Variants in ACOXL observed in about 807,000 individuals in gnomAD.
ACOXL encodes acyl-CoA oxidase like, also known as acyl-coenzyme A oxidase-like protein.
In ACOXL, 70 loss-of-function variants were observed where a neutral mutation model predicts 71.9. The observed-to-expected ratio is 0.97, with a 90% CI of 0.80 to 1.19. The LOEUF (loss-of-function observed/expected upper bound fraction) is 1.19, where lower values mean the gene tolerates loss of function less well. ACOXL is among the 50% of genes most tolerant of loss of function. ACOXL has a pLI of 0.00. For synonymous variants in ACOXL, 253 were observed against 281.6 expected (o/e 0.90, Z 1.02); for missense variants, 703 against 736.3 (o/e 0.95, Z 0.52).
intron 1 of ACOXL, among the ~76,000 whole-genome samples, chr2:110,749,385 T>G (rs1678635661): frequency 6.6e-6 from 1 of 152,188 alleles, no homozygotes; most frequent in Admixed American, 6.5e-5. Context: ...TCCTCCCCTG[T>G]TGTTAACATC....
intron 3 of ACOXL, among the ~76,000 whole-genome samples, chr2:110,792,232 A>G (rs1020365243): frequency 3.9e-5 from 6 of 152,130 alleles, no homozygotes; most frequent in Admixed American, 3.9e-4. Context: ...CCCACAAACC[A>G]CTTGGACAGA....
At chr2:110,982,833 G>A (rs2062771815) in intron 12 of ACOXL, among the ~76,000 whole-genome samples, 1 of 152,230 alleles carries the variant, frequency 6.6e-6, no homozygotes, top group Non-Finnish European at 1.5e-5. Flanking sequence ...CCAGCTTCAT[G>A]GGGTGAGATT....
At chr2:110,836,376 T>C (rs1391441863) in intron 9 of ACOXL, among the ~76,000 whole-genome samples, 1 of 152,112 alleles carries the variant, frequency 6.6e-6, no homozygotes, top group Non-Finnish European at 1.5e-5. Flanking sequence ...TGTCCATGGC[T>C]CTCTTTGAGT....
At chr2:110,815,675 C>T (rs905739339) in intron 9 of ACOXL, among the ~76,000 whole-genome samples, 1 of 152,152 alleles carries the variant, frequency 6.6e-6, no homozygotes, top group African/African-American at 2.4e-5. Flanking sequence ...TAGGGACTTC[C>T]CTCTGGATCA....
intron 11 of ACOXL, among the ~76,000 whole-genome samples, chr2:110,926,584 G>C (rs1164849610): frequency 6.6e-6 from 1 of 152,146 alleles, no homozygotes; most frequent in Non-Finnish European, 1.5e-5. Context: ...CTGACCTAGA[G>C]GGTTATTAGA....
At chr2:110,885,487 TA>T (rs955891962) in intron 10 of ACOXL, among the ~76,000 whole-genome samples, 10 of 152,076 alleles carry the variant, frequency 6.6e-5, no homozygotes, top group East Asian at 5.8e-4. Flanking sequence ...TTATTATTAT[TA>T]TTTTTTTACA....
intron 12 of ACOXL, among the ~76,000 whole-genome samples, chr2:110,964,825 A>G (rs2061856817): frequency 6.6e-6 from 1 of 152,170 alleles, no homozygotes; most frequent in Non-Finnish European, 1.5e-5. Context: ...TGTTGGGAAC[A>G]TTTCAAGTCC....
chr2:111,018,825 C>T (rs909313895), intron 14 of ACOXL, among the ~76,000 whole-genome samples: 1 of 152,006 alleles, frequency 6.6e-6, no homozygotes, highest in Non-Finnish European at 1.5e-5. Flanking sequence ...CCAAGGAGCC[C>T]CAAATTGCAG....
At chr2:110,779,061 C>T (rs1252787272) in intron 2 of ACOXL, among the ~76,000 whole-genome samples, 1 of 152,166 alleles carries the variant, frequency 6.6e-6, no homozygotes, top group African/African-American at 2.4e-5. Flanking sequence ...AGAGGTATTA[C>T]ATTTGTGGCA....
chr2:110,915,350 A>ATATATATATATATATATATATATATGTG (rs1491355100), intron 11 of ACOXL, among the ~76,000 whole-genome samples: 2 of 113,630 alleles, frequency 1.8e-5, no homozygotes, highest in Non-Finnish European at 3.7e-5. Context: ...ATATATATAT[A>ATATATATATATATATATATATATATGTG]TGTGTGTGTG....
rs566969237 is a variant in ACOXL at position 111,065,232 on chromosome 2, A to G, written c.1440+15944A>G. 8.5e-4 allele frequency among the ~76,000 whole-genome samples: 129 copies of G among 152,342 alleles called. 1 individual carries two copies. Among genetic ancestry groups the G allele is most frequent in the Non-Finnish European group, 9.1e-4 (62 of 68,016 alleles). ...CCAACTGATTTTTTTATGAAATGGC[A>G]TGAGCAACTCCAGTGAAGTAAGATA... On this transcript the variant is annotated intron_variant, in intron 16 of 17. Coordinates refer to ENST00000439055, the MANE Select transcript of ACOXL (RefSeq NM_001142807.4).
At chr2:110,861,644 A>G (rs1693970035) in intron 10 of ACOXL, among the ~76,000 whole-genome samples, 1 of 152,236 alleles carries the variant, frequency 6.6e-6, no homozygotes, top group African/African-American at 2.4e-5. Flanking sequence ...ACACGGGGTT[A>G]AATTCTGCTC....
chr2:110,799,225 G>A, intron 7 of ACOXL, 125 bp downstream of exon 7: 1 of 875,256 alleles, frequency 1.1e-6, no homozygotes, highest in Non-Finnish European at 1.9e-6. Flanking sequence ...CCCCAGAGAA[G>A]ATGTCCAGAT....
intron 15 of ACOXL, 74 bp downstream of exon 15, chr2:111,031,788 C>T (rs966841085): frequency 2.1e-6 from 3 of 1,449,180 alleles, no homozygotes; most frequent in African/African-American, 2.8e-5. Context: ...CACAGCTCTG[C>T]AGGGAAAGGA....
In ACOXL at chr2:110,921,388, A is replaced by ACCC. The variant is rs376926482; in HGVS notation, c.906-12091_906-12089dup. Reference sequence around the variant, plus strand: ...TCTCTCTCTGTGTCTCTATATATCCACCCCCCCCCCCCTTTTTTTTTTGAG... The same window carrying ACCC: ...TCTCTCTCTGTGTCTCTATATATCCACCCCCCCCCCCCCCCTTTTTTTTTTGAG... On this transcript the variant is annotated intron_variant, in intron 11 of 17. Coordinates refer to ENST00000439055, the MANE Select transcript of ACOXL (RefSeq NM_001142807.4). 1.3e-3 allele frequency among the ~76,000 whole-genome samples: 75 copies of ACCC among 57,578 alleles called. 3 individuals carry two copies. Among genetic ancestry groups the ACCC allele is most frequent in the Non-Finnish European group, 2.0e-3 (56 of 27,682 alleles). The allele number at this position is 57,578 out of a possible 152,430, so 37.8% of individuals were successfully genotyped here.
chr2:110,767,333 G>T (rs1681222330), intron 1 of ACOXL, among the ~76,000 whole-genome samples: 1 of 152,330 alleles, frequency 6.6e-6, no homozygotes, highest in Non-Finnish European at 1.5e-5. Context: ...GCGTAAGTGG[G>T]AGGGAGCTGG....
At chr2:110,896,995 A>G (rs1047729587) in intron 10 of ACOXL, among the ~76,000 whole-genome samples, 1 of 152,206 alleles carries the variant, frequency 6.6e-6, no homozygotes, top group African/African-American at 2.4e-5. Flanking sequence ...AAAAACTGCA[A>G]CAAATTTTTA....
intron 10 of ACOXL, 95 bp from the exon 11 acceptor site, chr2:110,908,694 A>G: frequency 1.1e-6 from 1 of 943,852 alleles, no homozygotes. Flanking sequence ...GAGTCTTTGG[A>G]AGGCAAATGG....
chr2:110,881,848 G>T (rs1696688938), intron 10 of ACOXL, among the ~76,000 whole-genome samples: 1 of 151,378 alleles, frequency 6.6e-6, no homozygotes, highest in African/African-American at 2.4e-5. Flanking sequence ...CAGTTGCATG[G>T]ATGTATCACA....
Sources: allele counts gnomAD v4.1 joint callset (sites outside exome capture counted in the v4.1 genomes callset), GRCh38; gene constraint gnomAD v4.1.1; transcripts MANE v1.5; gene names NCBI Gene and HGNC (gene_info 2026-07-23, HGNC 2026-07-21).